The following PCNP variants were observed in gnomAD, a reference collection of about 807,000 sequenced individuals.
PCNP encodes PEST proteolytic signal containing nuclear protein.
Under a neutral mutation model 21.8 loss-of-function variants are expected in PCNP, and 6 were observed. The observed-to-expected ratio is 0.28, with a 90% confidence interval of 0.15 to 0.54. The LOEUF is 0.54. Among genes scored for constraint, PCNP ranks in the 20% least tolerant of loss-of-function variants. The pLI is 0.95. For missense variants in PCNP, 161 were observed against 215.5 expected (o/e 0.75, Z 1.58); for synonymous variants, 67 against 73.2 (o/e 0.92, Z 0.43).
chr3:101,591,983 G>A (rs185541612), intron 4 of PCNP, among the ~76,000 whole-genome samples: 21 of 151,904 alleles, frequency 1.4e-4, no homozygotes, highest in African/African-American at 5.1e-4. Context: ...TGTTGCTCTG[G>A]CTGGGAGGCA....
intron 1 of PCNP, chr3:101,579,444 A>G: frequency 2.4e-6 from 1 of 408,818 alleles, no homozygotes; most frequent in Non-Finnish European, 4.8e-6. Flanking sequence ...CTAAGTGTAA[A>G]AGATGTTAGA....
intron 2 of PCNP, 86 bp downstream of exon 2, chr3:101,580,090 T>G (rs1935145413): frequency 2.2e-6 from 2 of 925,422 alleles, no homozygotes; most frequent in Non-Finnish European, 3.5e-6. Context: ...TATGGTAAAT[T>G]AAGGGTGAAA....
At chr3:101,582,686 T>TA (rs901122904) in intron 2 of PCNP, among the ~76,000 whole-genome samples, 12 of 152,294 alleles carry the variant, frequency 7.9e-5, no homozygotes, top group African/African-American at 1.7e-4. Context: ...GAAAACACTG[T>TA]AAAAAATGTG....
Position 101,586,975 on chromosome 3 carries a change from C to T in PCNP, c.354+1464C>T, listed in dbSNP as rs539051956. On this transcript the variant is annotated intron_variant, in intron 3 of 4. Transcript: ENST00000265260. ...GTGAATCAAGAAATAATTCTGTGGC[C>T]GCGCGCAGTGGCTCATGGCTGTAAT... 4.6e-5 allele frequency among the ~76,000 whole-genome samples: 7 copies of T among 152,158 alleles called. No individual in the cohort carries two copies. In the East Asian group the frequency reaches 7.7e-4, roughly 17 times the overall value.
At chr3:101,591,235 T>C (rs1180571346) in intron 4 of PCNP, among the ~76,000 whole-genome samples, 3 of 152,272 alleles carry the variant, frequency 2.0e-5, no homozygotes, top group Non-Finnish European at 4.4e-5. Context: ...GTTAACACGA[T>C]GTGCAGTTTC....
In PCNP at chr3:101,592,523, G is replaced by T. The variant is rs1357885647; in HGVS notation, c.411-104G>T. On this transcript the variant is annotated intron_variant, in intron 4 of 4. Transcript: ENST00000265260. ...TGTAGGGCCTTCCAGTGTTCAGTCTGTGTTTATAATAGGTGCTAAACAAAC... is the reference window on the plus strand; with the variant it reads ...TGTAGGGCCTTCCAGTGTTCAGTCTTTGTTTATAATAGGTGCTAAACAAAC... 3 of 861,310 alleles carry T rather than the reference G, an allele frequency of 3.5e-6. No homozygotes were observed. The Admixed American group carries it at 7.9e-5, about 23-fold the overall frequency. 53.4% of individuals were successfully genotyped at this position (861,310 alleles called of 1,614,324 possible).
At chr3:101,592,010 C>T (rs1459223696) in intron 4 of PCNP, among the ~76,000 whole-genome samples, 1 of 151,918 alleles carries the variant, frequency 6.6e-6, no homozygotes, top group African/African-American at 2.4e-5. Flanking sequence ...TTTAAAACTG[C>T]AGTGGTTGCC....
At chr3:101,589,557 C>G (rs771498649) in intron 3 of PCNP, among the ~76,000 whole-genome samples, 1 of 151,982 alleles carries the variant, frequency 6.6e-6, no homozygotes, top group African/African-American at 2.4e-5. Flanking sequence ...ATTACAGGCA[C>G]GCGCCACCAC....
intron 4 of PCNP, among the ~76,000 whole-genome samples, chr3:101,591,744 GTT>G (rs905214992): frequency 1.7e-5 from 2 of 115,042 alleles, no homozygotes; most frequent in Non-Finnish European, 3.8e-5. Flanking sequence ...AGGTTTTTTT[GTT>G]TTTTTGTTTT....
rs1934728124 is a variant in PCNP, at chr3:101,574,214, A to G, written c.-2A>G. ...GCTGCAGGGGAGGCCGCGGCGGGGAAAATGGCGGACGGGAAGGCGGGAGAC... is the reference window on the plus strand; with the variant it reads ...GCTGCAGGGGAGGCCGCGGCGGGGAGAATGGCGGACGGGAAGGCGGGAGAC... On this transcript the variant is annotated 5_prime_UTR_variant, in exon 1 of 5. Coordinates refer to ENST00000265260, the MANE Select transcript of PCNP (RefSeq NM_020357.3). 2 of 1,549,598 alleles carry G rather than the reference A, an allele frequency of 1.3e-6. No homozygotes were observed. The highest frequency in any genetic ancestry group is 1.7e-6 in the Non-Finnish European group (2 of 1,145,904).
intron 1 of PCNP, chr3:101,577,036 A>G (rs1262794968): frequency 2.6e-6 from 2 of 763,662 alleles, no homozygotes; most frequent in East Asian, 2.5e-5. Flanking sequence ...CATGTTGGCT[A>G]GAATGGTCTC....
At chr3:101,584,625 C>T (rs1309091894) in intron 2 of PCNP, among the ~76,000 whole-genome samples, 3 of 152,002 alleles carry the variant, frequency 2.0e-5, no homozygotes, top group African/African-American at 7.2e-5. Flanking sequence ...AATGCAGTGG[C>T]GTGATCTCAC....
intron 3 of PCNP, among the ~76,000 whole-genome samples, chr3:101,589,376 C>A (rs9829611): frequency 1 from 151,489 of 151,842 alleles, 75,570 homozygotes; most frequent in Middle Eastern, 1. Flanking sequence ...ATTTTCAACA[C>A]CTATAAGTAT....
In PCNP at chr3:101,585,420, A is replaced by C; in HGVS notation, c.280-17A>C. 1 of 1,455,688 alleles carries C rather than the reference A, an allele frequency of 6.9e-7. No homozygotes were observed. Among genetic ancestry groups the C allele is most frequent in the Non-Finnish European group, 9.5e-7 (1 of 1,048,546 alleles). The allele number at this position is 1,455,688 out of a possible 1,614,324, so 90.2% of individuals were successfully genotyped here. ...TGTTATCTACATGATATTCTTTTTA[A>C]TATGTTTCTTCTTCAGAAGCCTAAA... On this transcript the variant is annotated splice_polypyrimidine_tract_variant and intron_variant, in intron 2 of 4. Coordinates refer to ENST00000265260, the MANE Select transcript of PCNP (RefSeq NM_020357.3).
chr3:101,579,879 C>T lies in PCNP; in HGVS notation c.154C>T (p.Arg52Ter). 1 of 1,613,796 alleles carries T rather than the reference C, an allele frequency of 6.2e-7. No individual in the cohort carries two copies. Among genetic ancestry groups the T allele is most frequent in the Non-Finnish European group, 8.5e-7 (1 of 1,179,662 alleles). Reference sequence around the variant, plus strand: ...AAGTTCCAGTCGCAGCGCTGAGAAGCGATCAGCTGAAGAAGAAGCTGCCGA... The same window carrying T: ...AAGTTCCAGTCGCAGCGCTGAGAAGTGATCAGCTGAAGAAGAAGCTGCCGA... ...GESSSRSAEK[R>*]SAEEEAADLP... is the part of the protein sequence containing the mutation. The change falls in exon 2 of 5, where the codon CGA (arginine) becomes TGA (stop). Residue 52 changes from arginine (R) to a stop codon, truncating the protein, a stop_gained. Transcript: ENST00000265260. LOFTEE classifies it high-confidence loss of function.
chr3:101,591,233 G>A (rs1030947931), intron 4 of PCNP, among the ~76,000 whole-genome samples: 1 of 152,048 alleles, frequency 6.6e-6, no homozygotes, highest in African/African-American at 2.4e-5. Flanking sequence ...AAGTTAACAC[G>A]ATGTGCAGTT....
chr3:101,583,793 G>T (rs939629931), intron 2 of PCNP, among the ~76,000 whole-genome samples: 13 of 148,986 alleles, frequency 8.7e-5, no homozygotes, highest in Non-Finnish European at 5.9e-5. Flanking sequence ...GATTACAGGT[G>T]TGCATCACCA....
In PCNP at chr3:101,582,347, G is replaced by A. The variant is rs541663106; in HGVS notation, c.279+2343G>A. 2.0e-5 allele frequency among the ~76,000 whole-genome samples: 3 copies of A among 152,232 alleles called. No homozygotes were observed. In the South Asian group the frequency reaches 6.2e-4, roughly 32 times the overall value. On this transcript the variant is annotated intron_variant, in intron 2 of 4. Coordinates refer to ENST00000265260, the MANE Select transcript of PCNP (RefSeq NM_020357.3). Reference sequence around the variant, plus strand: ...GGGCGCCTGTAGTCCCAGCTACTGGGGAGGCTGAGGCAGGAGAATTGCTTG... The same window carrying A: ...GGGCGCCTGTAGTCCCAGCTACTGGAGAGGCTGAGGCAGGAGAATTGCTTG...
chr3:101,576,823 T>C (rs1221849109), intron 1 of PCNP: 10 of 1,609,888 alleles, frequency 6.2e-6, no homozygotes, highest in South Asian at 1.1e-5. Flanking sequence ...CAACACCACA[T>C]GAGCATATCT....
Sources: allele counts gnomAD v4.1 joint callset (sites outside exome capture counted in the v4.1 genomes callset), GRCh38; gene constraint gnomAD v4.1.1; transcripts MANE v1.5; gene names NCBI Gene and HGNC (gene_info 2026-07-23, HGNC 2026-07-21).